The following ITSN1 variants were observed in gnomAD, a reference collection of about 807,000 sequenced individuals.
ITSN1 encodes intersectin 1.
In ITSN1, 58 loss-of-function variants were observed where a neutral mutation model predicts 239.8. That is an observed-to-expected ratio of 0.24 (90% CI 0.20 to 0.30). The LOEUF (loss-of-function observed/expected upper bound fraction) is 0.30, where lower values mean the gene tolerates loss of function less well. Among genes scored for constraint, ITSN1 ranks in the 10% least tolerant of loss-of-function variants. The probability of loss-of-function intolerance (pLI) is 1.00; values close to 1 mark genes in which losing one functional copy is unlikely to be tolerated. For synonymous variants in ITSN1, 780 were observed against 770.8 expected (o/e 1.01, Z -0.20); for missense variants, 1,558 against 2,103.3 (o/e 0.74, Z 5.07).
chr21:33,654,048 CTCTT>C (rs2146169214), intron 1 of ITSN1, among the ~76,000 whole-genome samples: 1 of 151,534 alleles, frequency 6.6e-6, no homozygotes, highest in East Asian at 2.0e-4. Context: ...CTTTCTTTCT[CTCTT>C]TGTCTCTTCT....
rs1986585476 is a variant in ITSN1, at chr21:33,894,681, G to T, written c.*6381G>T. 6.6e-6 allele frequency: 1 copy of T among 152,212 alleles called. No homozygotes were observed. Among genetic ancestry groups the T allele is most frequent in the Non-Finnish European group, 1.5e-5 (1 of 68,048 alleles). The allele number at this position is 152,212 out of a possible 1,614,324, so 9.4% of individuals were successfully genotyped here. On this transcript the variant is annotated 3_prime_UTR_variant, in exon 40 of 40. Transcript: ENST00000381318. ...GGTTTTATACTTTTATCTTTTGAAA[G>T]AATAACATTCCTGTGCGACTCTGCT...
intron 10 of ITSN1, among the ~76,000 whole-genome samples, chr21:33,766,997 G>C (rs761466937): frequency 6.6e-6 from 1 of 151,548 alleles, no homozygotes; most frequent in Non-Finnish European, 1.5e-5. Context: ...GTGAAACCCC[G>C]TCTCTACTAA....
Position 33,719,762 on chromosome 21 carries a change from C to A in ITSN1, c.28+906C>A, listed in dbSNP as rs117849293. On this transcript the variant is annotated intron_variant, in intron 2 of 39. Coordinates refer to ENST00000381318, the MANE Select transcript of ITSN1 (RefSeq NM_003024.3). ...TTTTGTTTGTTTTACTTCAGTTAAACTAAACATAAGTTTGAAACATATCAG... is the reference window on the plus strand; with the variant it reads ...TTTTGTTTGTTTTACTTCAGTTAAAATAAACATAAGTTTGAAACATATCAG... Among the ~76,000 whole-genome samples the A allele has an allele frequency of 3.9e-4, 60 of 152,208 alleles. No homozygotes were observed. The East Asian group carries it at 0.011, about 29-fold the overall frequency.
chr21:33,755,191 T>C, intron 7 of ITSN1, 106 bp from the exon 8 acceptor site: 1 of 532,756 alleles, frequency 1.9e-6, no homozygotes, highest in South Asian at 3.6e-5. Flanking sequence ...ATATGAAAGT[T>C]AGAGATGATT....
At chr21:33,704,548 C>G (rs989674683) in intron 1 of ITSN1, among the ~76,000 whole-genome samples, 10 of 152,074 alleles carry the variant, frequency 6.6e-5, no homozygotes, top group African/African-American at 2.2e-4. Flanking sequence ...AGAGGGAATA[C>G]TAATAATATT....
At chr21:33,705,257 G>A (rs1366245766) in intron 1 of ITSN1, among the ~76,000 whole-genome samples, 2 of 152,086 alleles carry the variant, frequency 1.3e-5, no homozygotes, top group Admixed American at 6.5e-5. Flanking sequence ...TTAATAAGAT[G>A]TAGGAAAGAT....
At chr21:33,856,879 G>A (rs1979441183) in intron 30 of ITSN1, 22 bp downstream of exon 30, 9 of 1,612,910 alleles carry the variant, frequency 5.6e-6, no homozygotes, top group Non-Finnish European at 7.6e-6. Context: ...GGTGGGGCAG[G>A]GGGCACGGCA....
chr21:33,701,012 C>T (rs1445294976), intron 1 of ITSN1, among the ~76,000 whole-genome samples: 2 of 149,844 alleles, frequency 1.3e-5, no homozygotes, highest in East Asian at 2.0e-4. Context: ...TGTGGTCTCA[C>T]TCTGTTTCCC....
At chr21:33,678,102 C>A (rs1323203796) in intron 1 of ITSN1, among the ~76,000 whole-genome samples, 1 of 152,218 alleles carries the variant, frequency 6.6e-6, no homozygotes, top group African/African-American at 2.4e-5. Context: ...TCTCCAGTTT[C>A]TTCCTTCTGC....
Position 33,899,788 on chromosome 21 carries a change from A to AAACAAT in ITSN1, c.*11490_*11491insCAATAA, listed in dbSNP as rs1986992962. Reference sequence around the variant, plus strand: ...TCTTCAAAAACAAAAACAAAAACAAAAAACAACTCTTTGGTCATTTTGACC... The same window carrying AAACAAT: ...TCTTCAAAAACAAAAACAAAAACAAAAACAATAAACAACTCTTTGGTCATTTTGACC... On this transcript the variant is annotated 3_prime_UTR_variant, in exon 40 of 40. Coordinates refer to ENST00000381318, the MANE Select transcript of ITSN1 (RefSeq NM_003024.3). 6.6e-6 allele frequency: 1 copy of AAACAAT among 152,232 alleles called. No individual in the cohort carries two copies. Among genetic ancestry groups the AAACAAT allele is most frequent in the Non-Finnish European group, 1.5e-5 (1 of 68,048 alleles). The allele number at this position is 152,232 out of a possible 1,614,324, so 9.4% of individuals were successfully genotyped here.
At chr21:33,708,739 C>T (rs117404472) in intron 1 of ITSN1, among the ~76,000 whole-genome samples, 2,760 of 152,216 alleles carry the variant, frequency 0.018, 37 homozygotes, top group Non-Finnish European at 0.029. Flanking sequence ...ATTGCCTAGC[C>T]TAAGTTCAGG....
intron 2 of ITSN1, among the ~76,000 whole-genome samples, chr21:33,719,088 T>C (rs184286569): frequency 1.8e-4 from 27 of 152,352 alleles, no homozygotes; most frequent in African/African-American, 5.5e-4. Flanking sequence ...TATGTGTACC[T>C]AAAAGATAAG....
intron 1 of ITSN1, among the ~76,000 whole-genome samples, chr21:33,653,179 G>C (rs1394137997): frequency 6.6e-6 from 1 of 152,000 alleles, no homozygotes; most frequent in Non-Finnish European, 1.5e-5. Flanking sequence ...ATTTTCAGTG[G>C]AGACGGGGTT....
rs138063724 is a variant in ITSN1 at position 33,864,289 on chromosome 21, C to G, written c.3891-862C>G. Among the ~76,000 whole-genome samples, 246 of 152,294 alleles carry G rather than the reference C, an allele frequency of 1.6e-3. 3 individuals are homozygous for G. The East Asian group carries it at 0.023, about 14-fold the overall frequency. On this transcript the variant is annotated intron_variant, in intron 31 of 39. Coordinates refer to ENST00000381318, the MANE Select transcript of ITSN1 (RefSeq NM_003024.3). The stretch of plus-strand genomic sequence containing the variant: ...CACCCATGATCACTAACTAGGATAG[C>G]TGAACACACCCATGGCTTCATGTTG...
chr21:33,858,721 G>A lies in ITSN1; in HGVS notation c.3819G>A (p.Leu1273=). Residue 1273 remains leucine, a synonymous_variant, in exon 31 of 40, where the codon CTG becomes CTA. Transcript: ENST00000381318. ...AACCCCTGATGGAGTCTGAGCTGCT[G>A]ACAGAAAAAGAGGTTGCTATGATTT... The part of the protein sequence containing the change: ...FQKPLMESEL[L]TEKEVAMIFV... 1 of 1,613,830 alleles carries A rather than the reference G, an allele frequency of 6.2e-7. No individual in the cohort carries two copies.
intron 11 of ITSN1, among the ~76,000 whole-genome samples, chr21:33,769,695 C>T (rs1199505325): frequency 7.1e-6 from 1 of 141,746 alleles, no homozygotes; most frequent in Non-Finnish European, 1.5e-5. Context: ...ATCTCTGTCT[C>T]TGCCTTTTTT....
intron 5 of ITSN1, among the ~76,000 whole-genome samples, chr21:33,737,109 C>T (rs147175466): frequency 6.6e-6 from 1 of 152,228 alleles, no homozygotes; most frequent in Non-Finnish European, 1.5e-5. Context: ...TCCTTTTTCT[C>T]TCAAACCTGG....
intron 1 of ITSN1, among the ~76,000 whole-genome samples, chr21:33,648,031 G>A (rs1001829063): frequency 4.6e-5 from 7 of 152,152 alleles, no homozygotes; most frequent in Non-Finnish European, 8.8e-5. Flanking sequence ...TAGAAAGATT[G>A]TATCATTTTA....
chr21:33,643,081 G>C (rs1441772512), intron 1 of ITSN1, among the ~76,000 whole-genome samples: 1 of 150,674 alleles, frequency 6.6e-6, no homozygotes, highest in Non-Finnish European at 1.5e-5. Flanking sequence ...TCCTTCCCGG[G>C]CTGACCTCGC....
Sources: allele counts gnomAD v4.1 joint callset (sites outside exome capture counted in the v4.1 genomes callset), GRCh38; gene constraint gnomAD v4.1.1; transcripts MANE v1.5; gene names NCBI Gene and HGNC (gene_info 2026-07-23, HGNC 2026-07-21).